ROS1: variants seen among roughly 807,000 people sequenced by gnomAD.
The protein encoded by ROS1 is proto-oncogene tyrosine-protein kinase ROS.
ROS1 carries 263 observed loss-of-function variants against 273.5 expected under a neutral mutation model. The observed-to-expected ratio is 0.96, with a 90% CI of 0.87 to 1.06. The LOEUF (loss-of-function observed/expected upper bound fraction) is 1.06. Ranked by LOEUF, ROS1 falls within the 50% of genes least tolerant of loss-of-function variation. ROS1 has a pLI of 0.00. For missense variants in ROS1, 2,833 were observed against 2,751.1 expected (o/e 1.03, Z -0.67); for synonymous variants, 1,008 against 954.1 (o/e 1.06, Z -1.04).
intron 35 of ROS1, 41 bp downstream of exon 35, chr6:117,324,291 A>C (rs766293081): frequency 5.5e-6 from 5 of 910,392 alleles, no homozygotes; most frequent in Non-Finnish European, 8.9e-6. Flanking sequence ...ATGATTAAGT[A>C]AACAGTTTGT....
At chr6:117,394,559 A>T in intron 10 of ROS1, 57 bp downstream of exon 10, 1 of 1,419,284 alleles carries the variant, frequency 7.0e-7, no homozygotes, top group South Asian at 1.8e-5. Flanking sequence ...TTCTAGAAGT[A>T]CTTCTTTTAG....
rs117340637 is a variant in ROS1, at chr6:117,312,129, G to T, written c.6118-1012C>A. Among the ~76,000 whole-genome samples, 413 of 152,078 alleles carry T rather than the reference G, an allele frequency of 2.7e-3. 2 individuals are homozygous for T. The highest frequency in any genetic ancestry group is 9.5e-3 in the African/African-American group (393 of 41,492). On this transcript the variant is annotated intron_variant, in intron 39 of 43. Transcript: ENST00000368507. Reference sequence around the variant, plus strand: ...CTCAATCTGTGCTTCCGTTACACTGGTCCGATTGCAGTTCCTTATACCTAC... The same window carrying T: ...CTCAATCTGTGCTTCCGTTACACTGTTCCGATTGCAGTTCCTTATACCTAC...
intron 12 of ROS1, among the ~76,000 whole-genome samples, chr6:117,392,417 A>G (rs1773142356): frequency 6.6e-6 from 1 of 152,194 alleles, no homozygotes; most frequent in Non-Finnish European, 1.5e-5. Context: ...TAATCTTACA[A>G]ACATGGGCTT....
chr6:117,310,920 A>G, intron 40 of ROS1, 100 bp downstream of exon 40: 1 of 660,716 alleles, frequency 1.5e-6, no homozygotes, highest in East Asian at 2.8e-5. Context: ...GCTAGTTTGA[A>G]GGAATTAAAA....
In ROS1 at chr6:117,317,242, C is replaced by A. The variant is rs1234205299; in HGVS notation, c.6018G>T (p.Gln2006His). ...SKFNHPNILK[Q>H]LGVCLLNEPQ... The stretch of plus-strand genomic sequence containing the variant: ...GTTCATTCAGCAGACAAACTCCAAG[C>A]TGCTTCAGAATGTTGGGATGATTAA... Residue 2006 changes from glutamine (Q) to histidine (H), a missense_variant, in exon 39 of 44, where the codon CAG becomes CAT. Gln to His is a conservative substitution (Grantham distance 24, BLOSUM62 0). Transcript: ENST00000368507. The A allele has an allele frequency of 1.2e-6, 2 of 1,613,000 alleles. No individual in the cohort carries two copies. Among genetic ancestry groups the A allele is most frequent in the African/African-American group, 1.3e-5 (1 of 74,940 alleles).
Position 117,365,759 on chromosome 6 carries a change from A to G in ROS1, c.2798-18T>C, listed in dbSNP as rs754908448. 15 of 1,514,680 alleles carry G rather than the reference A, an allele frequency of 9.9e-6. No individual in the cohort carries two copies. Among genetic ancestry groups the G allele is most frequent in the Non-Finnish European group, 1.3e-5 (15 of 1,135,340 alleles). 93.8% of individuals were successfully genotyped at this position (1,514,680 alleles called of 1,614,324 possible). A position where few individuals can be genotyped will look rare whatever the true frequency, so the allele number is the denominator to read the frequency against. ...AAAGTTCCCTACAGGATGAAACAAAAAAAAGAAATAGGAGAAAAAAATGGG... is the reference window on the plus strand; with the variant it reads ...AAAGTTCCCTACAGGATGAAACAAAGAAAAGAAATAGGAGAAAAAAATGGG... On this transcript the variant is annotated intron_variant, in intron 19 of 43. Transcript: ENST00000368507.
At chr6:117,422,430 T>G (rs75644339) in intron 1 of ROS1, among the ~76,000 whole-genome samples, 1,605 of 152,304 alleles carry the variant, frequency 0.011, 15 homozygotes, top group African/African-American at 0.036. Context: ...CTTTATCATA[T>G]TTCACATTCT....
chr6:117,365,087 A>G lies in ROS1; in HGVS notation c.3076T>C (p.Ser1026Pro). 2 of 1,613,830 alleles carry G rather than the reference A, an allele frequency of 1.2e-6. No individual in the cohort carries two copies. Among genetic ancestry groups the G allele is most frequent in the Non-Finnish European group, 1.7e-6 (2 of 1,179,868 alleles). The part of the protein sequence containing the change: ...YTYWGKGPKT[S>P]LSLRAPETVP... The stretch of plus-strand genomic sequence containing the variant: ...GTTTCAGGTGCTCGAAGTGACAGAG[A>G]TGTTTTGGGGCCCTTTCCCCAGTAG... Residue 1026 changes from serine to proline, a missense_variant, in exon 21 of 44, where the codon TCT becomes CCT. Coordinates refer to ENST00000368507, the MANE Select transcript of ROS1 (RefSeq NM_001378902.1).
chr6:117,417,963 T>G (rs1775458378), intron 2 of ROS1, among the ~76,000 whole-genome samples: 1 of 152,232 alleles, frequency 6.6e-6, no homozygotes, highest in Non-Finnish European at 1.5e-5. Context: ...TCTGTCTCTC[T>G]GGTTTTAAGT....
chr6:117,311,211 A>G (rs1490855818), intron 39 of ROS1, 94 bp from the exon 40 acceptor site: 3 of 594,576 alleles, frequency 5.0e-6, no homozygotes, highest in Non-Finnish European at 8.7e-6. Context: ...ATGTATATGC[A>G]TATGCATGTA....
intron 4 of ROS1, among the ~76,000 whole-genome samples, chr6:117,410,991 T>C (rs1395749736): frequency 6.6e-6 from 1 of 152,104 alleles, no homozygotes; most frequent in Admixed American, 6.6e-5. Context: ...AATTATTATA[T>C]AACATGAGGG....
chr6:117,368,280 AT>A (rs572613638), intron 18 of ROS1, among the ~76,000 whole-genome samples: 164 of 149,262 alleles, frequency 1.1e-3, no homozygotes, highest in Non-Finnish European at 1.5e-3. Flanking sequence ...TGATAGTTTG[AT>A]TTTTTTTTTA....
At chr6:117,309,765 G>A (rs1775390824) in intron 41 of ROS1, among the ~76,000 whole-genome samples, 2 of 151,944 alleles carry the variant, frequency 1.3e-5, no homozygotes, top group South Asian at 4.2e-4. Context: ...AGGTATTTGG[G>A]CACACACTTG....
chr6:117,392,948 C>T (rs1002385830), intron 12 of ROS1, among the ~76,000 whole-genome samples: 2 of 152,132 alleles, frequency 1.3e-5, no homozygotes, highest in East Asian at 3.9e-4. Flanking sequence ...TAGAACCCAA[C>T]CCCTGACTCC....
intron 30 of ROS1, 39 bp downstream of exon 30, chr6:117,341,361 G>A (rs1197537111): frequency 1.2e-6 from 2 of 1,610,968 alleles, no homozygotes; most frequent in Non-Finnish European, 1.7e-6. Context: ...CCTTGCACTT[G>A]AGAATGACAA....
chr6:117,373,781 C>T (rs1212561817), intron 18 of ROS1, among the ~76,000 whole-genome samples: 9 of 152,224 alleles, frequency 5.9e-5, no homozygotes, highest in Non-Finnish European at 1.2e-4. Context: ...CCAGAGCAGA[C>T]ATCAAGGCCA....
intron 27 of ROS1, among the ~76,000 whole-genome samples, chr6:117,351,529 T>A (rs904579742): frequency 2.0e-5 from 3 of 152,198 alleles, no homozygotes; most frequent in African/African-American, 7.2e-5. Context: ...CCCTCGAGTT[T>A]CTAACTCTCA....
intron 36 of ROS1, among the ~76,000 whole-genome samples, chr6:117,320,471 C>T (rs948175477): frequency 8.6e-5 from 13 of 151,998 alleles, no homozygotes; most frequent in African/African-American, 3.1e-4. Flanking sequence ...TTTACTATGA[C>T]CAAAAAAATC....
At chr6:117,317,024 C>A in intron 39 of ROS1, 119 bp downstream of exon 39, 1 of 1,057,140 alleles carries the variant, frequency 9.5e-7, no homozygotes, top group Non-Finnish European at 1.3e-6. Flanking sequence ...CAGAATAATT[C>A]TTTCCATGTA....
Sources: allele counts gnomAD v4.1 joint callset (sites outside exome capture counted in the v4.1 genomes callset), GRCh38; gene constraint gnomAD v4.1.1; transcripts MANE v1.5; gene names NCBI Gene and HGNC (gene_info 2026-07-23, HGNC 2026-07-21).